C11orf24: variants seen among roughly 807,000 people sequenced by gnomAD.
The protein encoded by C11orf24 is uncharacterized protein C11orf24.
A neutral mutation model predicts 7.3 loss-of-function variants in C11orf24; 5 were observed. The ratio of observed to expected loss-of-function variants is 0.69; its 90% CI spans 0.36 to 1.45. The LOEUF (loss-of-function observed/expected upper bound fraction) is 1.45. Among genes scored for constraint, C11orf24 ranks in the 40% most tolerant of loss-of-function variants. C11orf24 has a pLI of 0.03. For synonymous variants in C11orf24, 233 were observed against 235.7 expected, an observed-to-expected ratio of 0.99 and a Z score of 0.11; for missense variants, 566 against 590.5, an observed-to-expected ratio of 0.96 and a Z score of 0.43.
rs763466172 is a variant in C11orf24, at chr11:68,261,958, T to C, written c.1037A>G (p.Gln346Arg). 225 of 1,613,872 alleles carry C rather than the reference T, an allele frequency of 1.4e-4. No individual in the cohort carries two copies. The highest frequency in any genetic ancestry group is 1.7e-4 in the Non-Finnish European group (201 of 1,180,044). The change falls in exon 4 of 4, where the codon CAG becomes CGG. Residue 346 changes from glutamine to arginine, a missense_variant. Physicochemically the swap from Gln to Arg is conservative, Grantham distance 43. Coordinates refer to ENST00000304271, the MANE Select transcript of C11orf24 (RefSeq NM_022338.4). ...AGPGTSQAPEQVETEATPGTD... is the reference protein window; with the variant it reads ...AGPGTSQAPERVETEATPGTD... The stretch of plus-strand genomic sequence containing the variant: ...ACCTGGTGTGGCTTCAGTCTCTACC[T>C]GCTCCGGTGCCTGGGATGTGCCTGG...
rs996607021 is a variant in C11orf24 at position 68,269,572 on chromosome 11, G to A, written c.-297-1321C>T. 4.6e-5 allele frequency among the ~76,000 whole-genome samples: 7 copies of A among 152,192 alleles called. 1 individual carries two copies. Among genetic ancestry groups the A allele is most frequent in the African/African-American group, 1.7e-4 (7 of 41,442 alleles). On this transcript the variant is annotated intron_variant, in intron 1 of 3. Transcript: ENST00000304271. ...TGCACTTAGTCACACACGCTTGTGT[G>A]CGCACAGCTGCACATATGTCCATCT...
chr11:68,265,207 G>C (rs558801704), intron 2 of C11orf24, among the ~76,000 whole-genome samples: 1 of 152,238 alleles, frequency 6.6e-6, no homozygotes, highest in East Asian at 1.9e-4. Flanking sequence ...AGCGTGAGGA[G>C]GCCCCATGAG....
At position 68,262,221 on chromosome 11, in the gene C11orf24, G is replaced by A; in HGVS notation, c.774C>T (p.Ser258=). The A allele has an allele frequency of 2.5e-6, 4 of 1,613,024 alleles. No individual in the cohort carries two copies. Among genetic ancestry groups the A allele is most frequent in the Non-Finnish European group, 3.4e-6 (4 of 1,179,164 alleles). ...PMRPQAQGPI[S]QVSVDQPVVN... ...CCACAGGCTGGTCCACTGACACCTG[G>A]CTAATGGGACCTTGTGCTTGGGGAC... is the stretch of plus-strand genomic sequence containing the variant. Residue 258 remains serine, a synonymous_variant, in exon 4 of 4, where the codon AGC becomes AGT. Coordinates refer to ENST00000304271, the MANE Select transcript of C11orf24 (RefSeq NM_022338.4).
chr11:68,263,103 T>C (rs1565290222), intron 3 of C11orf24, 185 bp from the exon 4 acceptor site: 2 of 604,668 alleles, frequency 3.3e-6, no homozygotes, highest in East Asian at 2.8e-5. Context: ...ATGCAGCTCA[T>C]TGAAAAAGCC....
rs148354708 is a variant in C11orf24, at chr11:68,262,593, C to T, written c.402G>A (p.Thr134=). 2.5e-5 allele frequency: 40 copies of T among 1,613,642 alleles called. No individual in the cohort carries two copies. The highest frequency in any genetic ancestry group is 1.7e-4 in the African/African-American group (13 of 74,936). ...SSMTVASSAP[T]TAASSTTVAS... is the part of the protein sequence containing the mutation. ...CCACAGTTGTACTGGAGGCTGCAGTCGTGGGAGCACTGGAGGCCACAGTCA... is the reference window on the plus strand; with the variant it reads ...CCACAGTTGTACTGGAGGCTGCAGTTGTGGGAGCACTGGAGGCCACAGTCA... The change falls in exon 4 of 4, where the codon ACG becomes ACA. Residue 134 remains threonine, a synonymous_variant. Transcript: ENST00000304271.
rs774959849 is a variant in C11orf24 at position 68,261,392 on chromosome 11, G to T, written c.*253C>A. 1.4e-4 allele frequency: 64 copies of T among 468,610 alleles called. No homozygotes were observed. The highest frequency in any genetic ancestry group is 1.8e-4 in the Non-Finnish European group (48 of 260,780). The allele number at this position is 468,610 out of a possible 1,614,324, so 29.0% of individuals were successfully genotyped here. A position where few individuals can be genotyped will look rare whatever the true frequency, so the allele number is the denominator to read the frequency against. ...CAGGCTCCGACACCTGGGGAGACGGGGTCCTGCCCGCCCCACCCTGAGGTG... is the reference window on the plus strand; with the variant it reads ...CAGGCTCCGACACCTGGGGAGACGGTGTCCTGCCCGCCCCACCCTGAGGTG... On this transcript the variant is annotated 3_prime_UTR_variant, in exon 4 of 4. Coordinates refer to ENST00000304271, the MANE Select transcript of C11orf24 (RefSeq NM_022338.4).
At chr11:68,264,518 C>T (rs1482605387) in intron 2 of C11orf24, among the ~76,000 whole-genome samples, 280 of 143,540 alleles carry the variant, frequency 2.0e-3, no homozygotes, top group Admixed American at 3.6e-3. Context: ...ATCCATCCAC[C>T]CACTCATCCA....
At chr11:68,268,863 T>A (rs2098566531) in intron 1 of C11orf24, among the ~76,000 whole-genome samples, 1 of 152,182 alleles carries the variant, frequency 6.6e-6, no homozygotes, top group African/African-American at 2.4e-5. Context: ...ATGGCCCCAT[T>A]CATATATAAA....
chr11:68,268,524 C>T (rs575654064), intron 1 of C11orf24, among the ~76,000 whole-genome samples: 27 of 152,190 alleles, frequency 1.8e-4, no homozygotes, highest in African/African-American at 6.3e-4. Context: ...ACCCCATCTC[C>T]ACTAAAAATA....
In C11orf24 at chr11:68,263,837, T is replaced by A; in HGVS notation, c.-70A>T. 1 of 1,360,758 alleles carries A rather than the reference T, an allele frequency of 7.3e-7. No homozygotes were observed. The highest frequency in any genetic ancestry group is 1.8e-5 in the Admixed American group (1 of 54,364). The allele number at this position is 1,360,758 out of a possible 1,614,324, so 84.3% of individuals were successfully genotyped here. On this transcript the variant is annotated 5_prime_UTR_variant, in exon 3 of 4. Transcript: ENST00000304271. The stretch of plus-strand genomic sequence containing the variant: ...CCAGCCAGCCAGCTCCTCAGGCTGC[T>A]AATGGTTCCCTCCTGCTTGGCCAAG...
intron 2 of C11orf24, chr11:68,267,231 AG>A (rs1371196550): frequency 1.3e-5 from 2 of 152,404 alleles, no homozygotes; most frequent in Admixed American, 1.3e-4. Context: ...CTCCAGCTAC[AG>A]CAGGGAGGAT....
chr11:68,261,468 A>G lies in C11orf24; in HGVS notation c.*177T>C. On this transcript the variant is annotated 3_prime_UTR_variant, in exon 4 of 4. Coordinates refer to ENST00000304271, the MANE Select transcript of C11orf24 (RefSeq NM_022338.4). ...GAATCATTTACAAAAATAAATATGA[A>G]AAAAGCAGCAACTCTTTAGTGATCA... 1.7e-6 allele frequency: 1 copy of G among 602,092 alleles called. No homozygotes were observed. The highest frequency in any genetic ancestry group is 3.2e-5 in the Admixed American group (1 of 31,508). The allele number at this position is 602,092 out of a possible 1,614,324, so 37.3% of individuals were successfully genotyped here. A position where few individuals can be genotyped will look rare whatever the true frequency, so the allele number is the denominator to read the frequency against.
In C11orf24 at chr11:68,262,112, TGGTGGTGGTCACCACTGTGGG is replaced by T. The variant is rs2098562071; in HGVS notation, c.862_882del (p.Pro288_Thr294del). 6.2e-7 allele frequency: 1 copy of T among 1,610,404 alleles called. No individual in the cohort carries two copies. Among genetic ancestry groups the T allele is most frequent in the Admixed American group, 1.7e-5 (1 of 59,754 alleles). On this transcript the variant is annotated inframe_deletion, in exon 4 of 4. Coordinates refer to ENST00000304271, the MANE Select transcript of C11orf24 (RefSeq NM_022338.4). ...GCAGTTGGCTCCCTGGCTTGTGCCT[TGGTGGTGGTCACCACTGTGGG>T]GGTGGGGGCGGGCTCTGGGGTTGTG...
chr11:68,270,616 T>C (rs2098567465), intron 1 of C11orf24, among the ~76,000 whole-genome samples: 2 of 151,120 alleles, frequency 1.3e-5, no homozygotes, highest in Admixed American at 6.6e-5. Flanking sequence ...AAGAAATAAC[T>C]TAATTCTTTT....
intron 3 of C11orf24, chr11:68,263,155 C>T: frequency 3.5e-6 from 2 of 566,562 alleles, no homozygotes; most frequent in South Asian, 2.2e-5. Context: ...CTCTATGAAC[C>T]CCCTGCCCAT....
In C11orf24 at chr11:68,263,967, G is replaced by A. The variant is rs968550927; in HGVS notation, c.-99-101C>T. 5.0e-4 allele frequency: 291 copies of A among 579,526 alleles called. 4 individuals carry two copies. The highest frequency in any genetic ancestry group is 2.0e-3 in the South Asian group (93 of 47,372). The allele number at this position is 579,526 out of a possible 1,614,324, so 35.9% of individuals were successfully genotyped here. ...GGAGGGCTCTGGCAGGGTCCAAGGT[G>A]CAGACTGAGCCAAGTGCTGAGACCA... On this transcript the variant is annotated intron_variant, in intron 2 of 3. Coordinates refer to ENST00000304271, the MANE Select transcript of C11orf24 (RefSeq NM_022338.4).
At position 68,263,721 on chromosome 11, in the gene C11orf24, G is replaced by A; in HGVS notation, c.47C>T (p.Ser16Phe). 5 of 1,613,644 alleles carry A rather than the reference G, an allele frequency of 3.1e-6. No individual in the cohort carries two copies. Among genetic ancestry groups the A allele is most frequent in the Non-Finnish European group, 4.2e-6 (5 of 1,179,978 alleles). Residue 16 changes from serine (S) to phenylalanine (F), a missense_variant, in exon 3 of 4, where the codon TCT becomes TTT. By Grantham distance (155) the Ser-to-Phe change is radical. Transcript: ENST00000304271. ...ATCGTTGGATGCCGCATGGCTTTCA[G>A]ATAAGGACAAGGAGAAAATCCAAAT... ...VLIWIFSLSL[S>F]ESHAASNDPR...
At chr11:68,269,585 CAT>C (rs1440275052) in intron 1 of C11orf24, among the ~76,000 whole-genome samples, 20 of 152,234 alleles carry the variant, frequency 1.3e-4, no homozygotes, top group South Asian at 6.2e-4. Context: ...CACAGCTGCA[CAT>C]ATGTCCATCT....
chr11:68,266,789 A>G (rs549597986), intron 2 of C11orf24, among the ~76,000 whole-genome samples: 1 of 152,014 alleles, frequency 6.6e-6, no homozygotes, highest in African/African-American at 2.4e-5. Context: ...ACATCTACCG[A>G]ATGTTTTTAA....
Sources: gnomAD v4.1 joint callset for allele counts (sites outside exome capture counted in the v4.1 genomes callset) on GRCh38, gnomAD v4.1.1 for gene constraint, MANE v1.5 for transcripts, NCBI Gene and HGNC (gene_info 2026-07-23, HGNC 2026-07-21) for gene names.